The following OR56A3 variants were observed in gnomAD, a reference collection of about 807,000 sequenced individuals.
OR56A3 encodes olfactory receptor family 56 subfamily A member 3, also known as olfactory receptor 56A3.
In OR56A3, 23 loss-of-function variants were observed where a neutral mutation model predicts 17.5. The observed-to-expected ratio is 1.32, with a 90% CI of 0.95 to 1.87. The LOEUF is 1.87. Ranked by LOEUF, OR56A3 falls within the 40% of genes most tolerant of loss-of-function variation. The probability of loss-of-function intolerance (pLI) is 0.00; values close to 1 mark genes in which losing one functional copy is unlikely to be tolerated. For missense variants in OR56A3, 366 were observed against 380.1 expected, an observed-to-expected ratio of 0.96 and a Z score of 0.31; for synonymous variants, 175 against 150.6, an observed-to-expected ratio of 1.16 and a Z score of -1.19.
In OR56A3 at chr11:5,947,641, C is replaced by T. The variant is rs775882746; in HGVS notation, c.295C>T (p.Pro99Ser). The T allele has an allele frequency of 1.2e-6, 2 of 1,614,200 alleles. No homozygotes were observed. Among genetic ancestry groups the T allele is most frequent in the East Asian group, 4.5e-5 (2 of 44,866 alleles). Residue 99 changes from proline (P) to serine (S), a missense_variant, in exon 3 of 3, where the codon CCT becomes TCT. Physicochemically the swap from Pro to Ser is moderately conservative, Grantham distance 74. Coordinates refer to ENST00000641160, the MANE Select transcript of OR56A3 (RefSeq NM_001003443.3). ...GTTTGACCTCAGGCCCATCAGCTTC[C>T]CTGCCTGCTTCCTCCAGATGTACAT... ...FWFDLRPISF[P>S]ACFLQMYIMN...
chr11:6,008,876 CATA>C, the OR56A3 span, among the ~76,000 whole-genome samples: 4 of 151,908 alleles, frequency 2.6e-5, no homozygotes, highest in East Asian at 1.9e-4. Context: ...ATGTATTTAT[CATA>C]ATAAATCTTC....
At chr11:5,994,583 A>G in the OR56A3 span, 4 of 873,002 alleles carry the variant, frequency 4.6e-6, no homozygotes, top group Non-Finnish European at 7.7e-6. Context: ...CAGCCGAGTG[A>G]CATTGGTGTC....
chr11:5,987,119 T>G, the OR56A3 span: 1 of 613,816 alleles, frequency 1.6e-6, no homozygotes, highest in South Asian at 2.1e-5. Flanking sequence ...AGCTTAGTTT[T>G]GTTTAGAGAT....
At chr11:5,971,040 G>C in the OR56A3 span, among the ~76,000 whole-genome samples, 1 of 152,214 alleles carries the variant, frequency 6.6e-6, no homozygotes, top group Non-Finnish European at 1.5e-5. Context: ...CAAGATAATA[G>C]CTGAATGAGC....
At chr11:5,995,952 T>G in the OR56A3 span, among the ~76,000 whole-genome samples, 1 of 152,168 alleles carries the variant, frequency 6.6e-6, no homozygotes, top group Non-Finnish European at 1.5e-5. Flanking sequence ...ATAGAAAACT[T>G]TTTCATATTC....
At chr11:6,007,036 G>A in the OR56A3 span, 1 of 152,242 alleles carries the variant, frequency 6.6e-6, no homozygotes, top group Non-Finnish European at 1.5e-5. Context: ...ACAAGAGTTA[G>A]TGCCATTATT....
At chr11:5,994,064 T>C in the OR56A3 span, 1 of 478,200 alleles carries the variant, frequency 2.1e-6, no homozygotes, top group Non-Finnish European at 4.1e-6. Flanking sequence ...TTGACCTTGA[T>C]GTTCAGCAGG....
chr11:5,967,122 T>A, the OR56A3 span: 4 of 155,402 alleles, frequency 2.6e-5, no homozygotes, highest in Admixed American at 1.3e-4. Flanking sequence ...AGAGATCCAT[T>A]CATGGCAAAA....
rs1847893708 is a variant in OR56A3, at chr11:5,949,148, T to A, written c.*854T>A. 6.6e-6 allele frequency: 1 copy of A among 152,230 alleles called. No individual in the cohort carries two copies. The allele number at this position is 152,230 out of a possible 1,614,324, so 9.4% of individuals were successfully genotyped here. A position where few individuals can be genotyped will look rare whatever the true frequency, so the allele number is the denominator to read the frequency against. ...AATACTTTTCCTGAACATTATTTTC[T>A]CATTAATTGGACAGCTTCTAAGCAC... On this transcript the variant is annotated 3_prime_UTR_variant, in exon 3 of 3. Transcript: ENST00000641160.
At position 5,947,644 on chromosome 11, in the gene OR56A3, G is replaced by T. The variant is rs764719674; in HGVS notation, c.298G>T (p.Ala100Ser). 1.2e-6 allele frequency: 2 copies of T among 1,614,164 alleles called. No individual in the cohort carries two copies. The highest frequency in any genetic ancestry group is 4.5e-5 in the East Asian group (2 of 44,874). The change falls in exon 3 of 3, where the codon GCC becomes TCC. Residue 100 changes from alanine to serine, a missense_variant. Coordinates refer to ENST00000641160, the MANE Select transcript of OR56A3 (RefSeq NM_001003443.3). ...WFDLRPISFPACFLQMYIMNC... is the reference protein window; with the variant it reads ...WFDLRPISFPSCFLQMYIMNC... ...TGACCTCAGGCCCATCAGCTTCCCT[G>T]CCTGCTTCCTCCAGATGTACATCAT...
At chr11:5,992,849 G>T in the OR56A3 span, among the ~76,000 whole-genome samples, 2 of 152,160 alleles carry the variant, frequency 1.3e-5, no homozygotes, top group Non-Finnish European at 2.9e-5. Flanking sequence ...ACTCCACCTA[G>T]TAGCCACAAT....
At position 5,947,508 on chromosome 11, in the gene OR56A3, G is replaced by A. The variant is rs781205425; in HGVS notation, c.162G>A (p.Trp54Ter). Residue 54 changes from tryptophan (W) to a stop codon, truncating the protein, a stop_gained, in exon 3 of 3, where the codon TGG becomes TGA. Coordinates refer to ENST00000641160, the MANE Select transcript of OR56A3 (RefSeq NM_001003443.3). LOFTEE classifies it high-confidence loss of function. ...GANTTLLMTI[W>*]LEASLHQPLY... is the part of the protein sequence containing the mutation. ...ACACCACCCTCCTGATGACCATCTG[G>A]CTGGAGGCCTCTCTGCACCAGCCCC... 78 of 1,613,800 alleles carry A rather than the reference G, an allele frequency of 4.8e-5. No individual in the cohort carries two copies. Among genetic ancestry groups the A allele is most frequent in the Non-Finnish European group, 6.4e-5 (76 of 1,179,914 alleles).
At chr11:5,968,524 C>T in the OR56A3 span, 2 of 1,449,946 alleles carry the variant, frequency 1.4e-6, no homozygotes, top group Non-Finnish European at 1.9e-6. Flanking sequence ...GAAAATTTCA[C>T]CTGAAATTGT....
the OR56A3 span, among the ~76,000 whole-genome samples, chr11:6,004,982 A>G: frequency 6.6e-6 from 1 of 152,194 alleles, no homozygotes; most frequent in Non-Finnish European, 1.5e-5. Context: ...TGTGGCTCTA[A>G]TAATGACAAT....
chr11:6,011,619 G>T, the OR56A3 span, among the ~76,000 whole-genome samples: 1 of 152,118 alleles, frequency 6.6e-6, no homozygotes, highest in African/African-American at 2.4e-5. Context: ...TTGGGGTGTC[G>T]CTTTTATGGC....
At chr11:5,968,674 G>A in the OR56A3 span, among the ~76,000 whole-genome samples, 1 of 152,086 alleles carries the variant, frequency 6.6e-6, no homozygotes, top group Non-Finnish European at 1.5e-5. Flanking sequence ...AACATAAATA[G>A]TGAAAGGTTT....
chr11:5,961,143 C>T, the OR56A3 span, among the ~76,000 whole-genome samples: 1 of 150,104 alleles, frequency 6.7e-6, no homozygotes, highest in East Asian at 2.0e-4. Flanking sequence ...GGGGGCAGCC[C>T]CCGCCCGGCC....
At chr11:6,003,361 T>C in the OR56A3 span, among the ~76,000 whole-genome samples, 1 of 152,250 alleles carries the variant, frequency 6.6e-6, no homozygotes, top group Non-Finnish European at 1.5e-5. Flanking sequence ...CATTTATTGT[T>C]GTGCGTTTAT....
At chr11:6,003,004 T>C in the OR56A3 span, 1 of 1,614,168 alleles carries the variant, frequency 6.2e-7, no homozygotes, top group Admixed American at 1.7e-5. Flanking sequence ...TAAAGTTTCC[T>C]GATCAATCTG....
Sources: allele counts gnomAD v4.1 joint callset (sites outside exome capture counted in the v4.1 genomes callset), GRCh38; gene constraint gnomAD v4.1.1; transcripts MANE v1.5; gene names NCBI Gene and HGNC (gene_info 2026-07-23, HGNC 2026-07-21).